Variants in ADAT1 observed in about 807,000 individuals in gnomAD.
ADAT1 encodes the protein tRNA-specific adenosine deaminase 1.
Under a neutral mutation model 58.6 loss-of-function variants are expected in ADAT1, and 58 were observed. The ratio of observed to expected loss-of-function variants is 0.99; its 90% CI spans 0.80 to 1.23. The LOEUF (loss-of-function observed/expected upper bound fraction) is 1.23. Ranked by LOEUF, ADAT1 falls within the 50% of genes most tolerant of loss-of-function variation. The pLI, the probability that ADAT1 is intolerant of heterozygous loss-of-function variation, is 0.00. For synonymous variants in ADAT1, 254 were observed against 220.8 expected (o/e 1.15, Z -1.33); for missense variants, 741 against 608.6 (o/e 1.22, Z -2.29).
chr16:75,607,043 T>C (rs991511327), intron 8 of ADAT1, among the ~76,000 whole-genome samples: 5 of 151,936 alleles, frequency 3.3e-5, no homozygotes, highest in East Asian at 1.9e-4. Context: ...CTGGCCAACA[T>C]AGTGAAACCC....
chr16:75,609,854 C>T (rs149276436), intron 6 of ADAT1, among the ~76,000 whole-genome samples: 49 of 152,154 alleles, frequency 3.2e-4, no homozygotes, highest in Non-Finnish European at 6.8e-4. Flanking sequence ...CAGGCATGCA[C>T]CATCATGTCC....
Position 75,599,988 on chromosome 16 carries a change from T to C in ADAT1, c.*228A>G. On this transcript the variant is annotated 3_prime_UTR_variant, in exon 10 of 10. Coordinates refer to ENST00000564657, the MANE Select transcript of ADAT1 (RefSeq NM_001324445.2). Reference sequence around the variant, plus strand: ...ATTTTAGAGAAGCAATAAAACACAATGGAAGTCAGATAGTGAGGTCATTAG... The same window carrying C: ...ATTTTAGAGAAGCAATAAAACACAACGGAAGTCAGATAGTGAGGTCATTAG... The C allele has an allele frequency of 7.8e-7, 1 of 1,281,952 alleles. No homozygotes were observed. The highest frequency in any genetic ancestry group is 9.9e-7 in the Non-Finnish European group (1 of 1,011,502). The allele number at this position is 1,281,952 out of a possible 1,614,324, so 79.4% of individuals were successfully genotyped here. A position where few individuals can be genotyped will look rare whatever the true frequency, so the allele number is the denominator to read the frequency against.
intron 6 of ADAT1, among the ~76,000 whole-genome samples, chr16:75,609,753 G>C (rs1035150519): frequency 2.0e-5 from 3 of 152,108 alleles, no homozygotes; most frequent in African/African-American, 4.8e-5. Context: ...GCTCAGACTG[G>C]AGTGCAGTCA....
At chr16:75,603,405 C>A (rs888093157) in intron 8 of ADAT1, among the ~76,000 whole-genome samples, 7 of 152,134 alleles carry the variant, frequency 4.6e-5, no homozygotes, top group African/African-American at 1.7e-4. Context: ...AAGTAACAAG[C>A]CCAAACGGGT....
intron 6 of ADAT1, among the ~76,000 whole-genome samples, chr16:75,611,844 G>A (rs1476097185): frequency 6.6e-6 from 1 of 151,988 alleles, no homozygotes; most frequent in Non-Finnish European, 1.5e-5. Context: ...GATCACCTGA[G>A]GTCAGGAGTT....
At chr16:75,614,951 G>T (rs766740280) in intron 5 of ADAT1, among the ~76,000 whole-genome samples, 1 of 152,064 alleles carries the variant, frequency 6.6e-6, no homozygotes, top group Non-Finnish European at 1.5e-5. Flanking sequence ...CCGGCCAGGC[G>T]CAGTGGTTCA....
At chr16:75,608,574 C>T (rs970079750) in intron 7 of ADAT1, 8 of 579,636 alleles carry the variant, frequency 1.4e-5, no homozygotes, top group Non-Finnish European at 2.4e-5. Flanking sequence ...ATGCATTAAA[C>T]AGAATTTCTC....
At chr16:75,618,707 A>G in intron 3 of ADAT1, 67 bp from the exon 4 acceptor site, 1 of 1,577,366 alleles carries the variant, frequency 6.3e-7, no homozygotes, top group East Asian at 2.3e-5. Context: ...TCCTAGAAGC[A>G]GAACACAGCA....
At chr16:75,604,432 C>CAAAAA (rs869079388) in intron 8 of ADAT1, among the ~76,000 whole-genome samples, 388 of 7,944 alleles carry the variant, frequency 0.049, 75 homozygotes, top group Middle Eastern at 0.12. Flanking sequence ...GATTCTGTCT[C>CAAAAA]AAAAAAAAAA....
At position 75,600,003 on chromosome 16, in the gene ADAT1, G is replaced by A; in HGVS notation, c.*213C>T. The A allele has an allele frequency of 7.5e-7, 1 of 1,324,570 alleles. No individual in the cohort carries two copies. The highest frequency in any genetic ancestry group is 2.9e-5 in the East Asian group (1 of 34,890). The allele number at this position is 1,324,570 out of a possible 1,614,324, so 82.1% of individuals were successfully genotyped here. A position where few individuals can be genotyped will look rare whatever the true frequency, so the allele number is the denominator to read the frequency against. ...TAAAACACAATGGAAGTCAGATAGTGAGGTCATTAGTGAGATGCCATTTTA... is the reference window on the plus strand; with the variant it reads ...TAAAACACAATGGAAGTCAGATAGTAAGGTCATTAGTGAGATGCCATTTTA... On this transcript the variant is annotated 3_prime_UTR_variant, in exon 10 of 10. Coordinates refer to ENST00000564657, the MANE Select transcript of ADAT1 (RefSeq NM_001324445.2).
Position 75,620,343 on chromosome 16 carries a change from A to G in ADAT1, c.170-9T>C. 6.2e-7 allele frequency: 1 copy of G among 1,614,048 alleles called. No individual in the cohort carries two copies. The highest frequency in any genetic ancestry group is 1.7e-5 in the Admixed American group (1 of 60,030). Reference sequence around the variant, plus strand: ...CACAACTTCCTTTGTCACTGTGGGAAAAAAACAAATCGTGTGAGTTCTGAG... The same window carrying G: ...CACAACTTCCTTTGTCACTGTGGGAGAAAAACAAATCGTGTGAGTTCTGAG... On this transcript the variant is annotated splice_polypyrimidine_tract_variant and intron_variant, in intron 2 of 9. Coordinates refer to ENST00000564657, the MANE Select transcript of ADAT1 (RefSeq NM_001324445.2).
At chr16:75,613,098 C>T (rs1472738548) in intron 5 of ADAT1, among the ~76,000 whole-genome samples, 1 of 152,110 alleles carries the variant, frequency 6.6e-6, no homozygotes, top group Non-Finnish European at 1.5e-5. Context: ...CCCAGCTGAC[C>T]TGAGATGAGT....
chr16:75,605,937 CAAAAAAAA>C (rs972557653), intron 8 of ADAT1, among the ~76,000 whole-genome samples: 1 of 75,058 alleles, frequency 1.3e-5, no homozygotes, highest in Non-Finnish European at 2.5e-5. Context: ...AACTCTGTCT[CAAAAAAAA>C]AAAAAAAAAA....
chr16:75,603,411 C>T lies in ADAT1; in HGVS notation c.1290-240G>A, dbSNP rs1032338809. On this transcript the variant is annotated intron_variant, in intron 8 of 9. Transcript: ENST00000564657. Reference sequence around the variant, plus strand: ...GGATCATTAAAGTAACAAGCCCAAACGGGTACCCTGAGGTGCAATTACGAA... The same window carrying T: ...GGATCATTAAAGTAACAAGCCCAAATGGGTACCCTGAGGTGCAATTACGAA... Among the ~76,000 whole-genome samples the T allele has an allele frequency of 3.3e-5, 5 of 152,116 alleles. No individual in the cohort carries two copies. The East Asian group carries it at 5.8e-4, about 18-fold the overall frequency.
intron 8 of ADAT1, among the ~76,000 whole-genome samples, chr16:75,606,053 G>T (rs890246466): frequency 7.8e-4 from 34 of 43,446 alleles, no homozygotes; most frequent in African/African-American, 2.8e-3. Context: ...TTAGAGATTG[G>T]GGGGGGGGTC....
chr16:75,612,002 G>A (rs1396375855), intron 6 of ADAT1, among the ~76,000 whole-genome samples: 1 of 152,062 alleles, frequency 6.6e-6, no homozygotes, highest in Non-Finnish European at 1.5e-5. Context: ...TGGCTGCAGT[G>A]AGCCCAGAGC....
rs137891984 is a variant in ADAT1 at position 75,620,789 on chromosome 16, G to A, written c.11C>T (p.Ala4Val). ...ATAGCATAGCTGAGCAATCTCATCCGCGGTCCACATGGTCTGAGCTGGTAT... is the reference window on the plus strand; with the variant it reads ...ATAGCATAGCTGAGCAATCTCATCCACGGTCCACATGGTCTGAGCTGGTAT... MWT[A>V]DEIAQLCYEH... is the part of the protein sequence containing the mutation. Residue 4 changes from alanine to valine, a missense_variant, in exon 2 of 10, where the codon GCG becomes GTG. Ala to Val is a moderately conservative substitution (Grantham distance 64). Coordinates refer to ENST00000564657, the MANE Select transcript of ADAT1 (RefSeq NM_001324445.2). 1.3e-4 allele frequency: 217 copies of A among 1,612,582 alleles called. No individual in the cohort carries two copies. The highest frequency in any genetic ancestry group is 1.7e-4 in the Non-Finnish European group (199 of 1,178,948).
intron 3 of ADAT1, among the ~76,000 whole-genome samples, chr16:75,619,296 G>A (rs1048894734): frequency 6.6e-6 from 1 of 152,176 alleles, no homozygotes; most frequent in African/African-American, 2.4e-5. Flanking sequence ...GCCAAGGCAG[G>A]AGGATAGCTT....
In ADAT1 at chr16:75,620,612, CAAG is replaced by C; in HGVS notation, c.169+16_169+18del. The C allele has an allele frequency of 6.2e-7, 1 of 1,611,080 alleles. No individual in the cohort carries two copies. Among genetic ancestry groups the C allele is most frequent in the Non-Finnish European group, 8.5e-7 (1 of 1,179,034 alleles). On this transcript the variant is annotated intron_variant, in intron 2 of 9. Coordinates refer to ENST00000564657, the MANE Select transcript of ADAT1 (RefSeq NM_001324445.2). ...CCATCTCTCACAGTGAGGAGCATGC[CAAG>C]AAGAAAAAGTCTCACCTTGCACCGG... is the stretch of plus-strand genomic sequence containing the variant.
Sources: gnomAD v4.1 joint callset for allele counts (sites outside exome capture counted in the v4.1 genomes callset) on GRCh38, gnomAD v4.1.1 for gene constraint, MANE v1.5 for transcripts, NCBI Gene and HGNC (gene_info 2026-07-23, HGNC 2026-07-21) for gene names.